LOC102723971: variants seen among roughly 807,000 people sequenced by gnomAD.
the LOC102723971 span, chr9:135,616,756 G>A: frequency 2.5e-6 from 1 of 398,566 alleles, no homozygotes; most frequent in Non-Finnish European, 4.4e-6. Flanking sequence ...ACACTCAGAA[G>A]GGGTTGTCGG....
At chr9:135,618,997 C>T in the LOC102723971 span, 1 of 403,178 alleles carries the variant, frequency 2.5e-6, no homozygotes, top group Non-Finnish European at 4.4e-6. Flanking sequence ...GGGCCCCTCA[C>T]CCCTCTGCTG....
the LOC102723971 span, chr9:135,616,696 G>A: frequency 2.5e-6 from 1 of 398,624 alleles, no homozygotes; most frequent in African/African-American, 2.1e-5. Context: ...GCTGGGCTCT[G>A]AGTGGGGAGG....
the LOC102723971 span, among the ~76,000 whole-genome samples, chr9:135,615,685 C>G: frequency 6.6e-6 from 1 of 152,220 alleles, no homozygotes; most frequent in African/African-American, 2.4e-5. Context: ...AGCCCGGCCC[C>G]GGAGGCAACG....
At chr9:135,619,463 T>A in the LOC102723971 span, among the ~76,000 whole-genome samples, 1 of 152,010 alleles carries the variant, frequency 6.6e-6, no homozygotes. Context: ...CCAGCTCCCC[T>A]CCACTGTGAC....
the LOC102723971 span, among the ~76,000 whole-genome samples, chr9:135,619,289 G>A: frequency 6.6e-6 from 1 of 152,186 alleles, no homozygotes; most frequent in Admixed American, 6.5e-5. Flanking sequence ...GGGGCACATG[G>A]CCCCCTGAGC....
the LOC102723971 span, chr9:135,615,554 C>T: frequency 1.8e-5 from 7 of 398,636 alleles, no homozygotes; most frequent in East Asian, 2.5e-4. Flanking sequence ...CTAGGGACCC[C>T]CAAGCAACAG....
chr9:135,619,637 T>G, the LOC102723971 span, among the ~76,000 whole-genome samples: 1 of 152,114 alleles, frequency 6.6e-6, no homozygotes, highest in African/African-American at 2.4e-5. Context: ...CACAGACAGC[T>G]GTACCTGTGT....
the LOC102723971 span, chr9:135,618,099 G>A: frequency 5.0e-6 from 2 of 398,628 alleles, no homozygotes; most frequent in South Asian, 2.5e-4. Flanking sequence ...GGGCCTGAGG[G>A]TCTGGGGCCT....
the LOC102723971 span, chr9:135,615,551 C>T: frequency 5.0e-6 from 2 of 398,660 alleles, no homozygotes. Flanking sequence ...GACCTAGGGA[C>T]CCCCAAGCAA....
chr9:135,617,522 C>G, the LOC102723971 span, among the ~76,000 whole-genome samples: 30 of 151,914 alleles, frequency 2.0e-4, no homozygotes, highest in African/African-American at 7.3e-4. Context: ...CAGCCGGAGC[C>G]CGAGCCCAGG....
the LOC102723971 span, chr9:135,617,105 T>G: frequency 2.5e-5 from 10 of 397,304 alleles, no homozygotes; most frequent in South Asian, 1.3e-4. Context: ...CCCGGCTCTG[T>G]GCAGAGACTT....
At chr9:135,617,200 C>T in the LOC102723971 span, among the ~76,000 whole-genome samples, 1 of 152,210 alleles carries the variant, frequency 6.6e-6, no homozygotes, top group East Asian at 1.9e-4. Context: ...TGAGCTCTTC[C>T]TCCGACACAT....
chr9:135,618,975 G>A, the LOC102723971 span: 1 of 401,770 alleles, frequency 2.5e-6, no homozygotes, highest in Non-Finnish European at 4.4e-6. Flanking sequence ...CGGTTCTGGA[G>A]TCTTCCTGCC....
the LOC102723971 span, chr9:135,614,475 A>G: frequency 5.0e-6 from 2 of 396,608 alleles, no homozygotes; most frequent in East Asian, 7.2e-5. Context: ...CTGACCCTGC[A>G]GCAGCTCTGG....
At chr9:135,615,630 G>A in the LOC102723971 span, 1 of 397,538 alleles carries the variant, frequency 2.5e-6, no homozygotes. Context: ...GCTCCAAGAG[G>A]GGTAAGCTCA....
the LOC102723971 span, chr9:135,617,973 A>G: frequency 5.0e-6 from 2 of 398,652 alleles, no homozygotes; most frequent in East Asian, 3.6e-5. Context: ...GAGGACCCCA[A>G]ATGGCTGGGA....
At chr9:135,615,521 C>T in the LOC102723971 span, 1 of 398,782 alleles carries the variant, frequency 2.5e-6, no homozygotes, top group Non-Finnish European at 4.4e-6. Flanking sequence ...CCTGCCGCCC[C>T]TCTCAGGCGC....
the LOC102723971 span, chr9:135,616,968 T>C: frequency 5.0e-6 from 2 of 398,652 alleles, no homozygotes; most frequent in Non-Finnish European, 8.8e-6. Context: ...CCTCATTCTT[T>C]ACGTGCGCTT....
At chr9:135,614,428 T>TGGGGCTGGGGGG in the LOC102723971 span, 2 of 277,992 alleles carry the variant, frequency 7.2e-6, no homozygotes, top group Non-Finnish European at 6.3e-6. Context: ...GTGCAGGGGG[T>TGGGGCTGGGGGG]GGGGCAGACA....
Sources: gnomAD v4.1 joint callset for allele counts (sites outside exome capture counted in the v4.1 genomes callset) on GRCh38, gnomAD v4.1.1 for gene constraint, MANE v1.5 for transcripts.